Variants in CSMD1 observed in about 807,000 individuals in gnomAD.
The protein encoded by CSMD1 is CUB and sushi domain-containing protein 1.
CSMD1 carries 213 observed loss-of-function variants against 417.5 expected under a neutral mutation model. That is an observed-to-expected ratio of 0.51 (90% CI 0.46 to 0.57). The LOEUF (loss-of-function observed/expected upper bound fraction) is 0.57, where lower values mean the gene tolerates loss of function less well. Among genes scored for constraint, CSMD1 ranks in the 20% least tolerant of loss-of-function variants. The probability of loss-of-function intolerance (pLI) is 0.00; values close to 1 mark genes in which losing one functional copy is unlikely to be tolerated. For missense variants in CSMD1, 6,923 were observed against 4,529.7 expected (o/e 1.53, Z -15.17); for synonymous variants, 2,862 against 1,736.8 (o/e 1.65, Z -16.11).
chr8:4,258,773 G>A (rs1412474222), intron 3 of CSMD1, among the ~76,000 whole-genome samples: 2 of 152,056 alleles, frequency 1.3e-5, no homozygotes, highest in Non-Finnish European at 2.9e-5. Flanking sequence ...CATTTAGAAT[G>A]TGTAACCAGC....
chr8:4,706,132 T>C (rs187449084), intron 1 of CSMD1, among the ~76,000 whole-genome samples: 131 of 150,404 alleles, frequency 8.7e-4, no homozygotes, highest in Non-Finnish European at 1.7e-3. Context: ...ATATATTACA[T>C]ATTTTATATT....
chr8:4,095,841 T>C (rs986360279), intron 3 of CSMD1, among the ~76,000 whole-genome samples: 1 of 152,228 alleles, frequency 6.6e-6, no homozygotes. Context: ...TGGAATGTAT[T>C]TAAAACTTTT....
Position 3,753,826 on chromosome 8 carries a change from C to G in CSMD1, c.931+104G>C, listed in dbSNP as rs1412753055. The G allele has an allele frequency of 5.7e-6, 4 of 698,764 alleles. No homozygotes were observed. In the African/African-American group the frequency reaches 7.3e-5, roughly 13 times the overall value. 43.3% of individuals were successfully genotyped at this position (698,764 alleles called of 1,614,324 possible). On this transcript the variant is annotated intron_variant, in intron 6 of 69. Coordinates refer to ENST00000635120, the MANE Select transcript of CSMD1 (RefSeq NM_033225.6). ...AACTGTGAATAAAAGAATTAGAAAC[C>G]ATTTTCAAGCTATTTATCCAACTCC...
At chr8:4,222,533 CATAAAAA>C (rs1400460331) in intron 3 of CSMD1, among the ~76,000 whole-genome samples, 1 of 152,006 alleles carries the variant, frequency 6.6e-6, no homozygotes, top group Non-Finnish European at 1.5e-5. Context: ...ATCAAGAAAA[CATAAAAA>C]CCACAGAAGT....
Position 3,616,709 on chromosome 8 carries a change from C to T in CSMD1, c.1097+1G>A. On this transcript the variant is annotated splice_donor_variant, in intron 8 of 69. Transcript: ENST00000635120. LOFTEE classifies it high-confidence loss of function. Reference sequence around the variant, plus strand: ...TTTTCCACCACTATTGTATCTCTTACCTGAAGTCGGAACCTGCTCTTCTAC... The same window carrying T: ...TTTTCCACCACTATTGTATCTCTTATCTGAAGTCGGAACCTGCTCTTCTAC... The T allele has an allele frequency of 6.3e-7, 1 of 1,598,952 alleles. No homozygotes were observed. The highest frequency in any genetic ancestry group is 8.6e-7 in the Non-Finnish European group (1 of 1,166,948).
At chr8:4,541,672 T>C (rs1197079283) in intron 2 of CSMD1, among the ~76,000 whole-genome samples, 2 of 152,048 alleles carry the variant, frequency 1.3e-5, no homozygotes, top group Non-Finnish European at 2.9e-5. Context: ...GAGGCTGAGG[T>C]TGCAGTAAGC....
chr8:3,758,254 A>G (rs1194056205), intron 5 of CSMD1, among the ~76,000 whole-genome samples: 1 of 152,212 alleles, frequency 6.6e-6, no homozygotes, highest in Non-Finnish European at 1.5e-5. Context: ...GTGAGCCATC[A>G]CACTCAGCCT....
intron 5 of CSMD1, among the ~76,000 whole-genome samples, chr8:3,913,077 G>A (rs539544089): frequency 3.9e-5 from 6 of 152,246 alleles, no homozygotes; most frequent in Non-Finnish European, 7.4e-5. Context: ...ACTAGGAAAG[G>A]AGCTTTTGGA....
At chr8:4,502,052 C>T (rs1303590745) in intron 2 of CSMD1, among the ~76,000 whole-genome samples, 2 of 152,090 alleles carry the variant, frequency 1.3e-5, no homozygotes, top group Non-Finnish European at 2.9e-5. Context: ...ATTATGTCCA[C>T]AAACAAGTTA....
chr8:4,984,250 G>A (rs1009114362), intron 1 of CSMD1, among the ~76,000 whole-genome samples: 2 of 152,166 alleles, frequency 1.3e-5, no homozygotes. Context: ...AATGTCTAAT[G>A]TTCTAGCTTC....
At chr8:4,082,614 T>G (rs573192720) in intron 3 of CSMD1, among the ~76,000 whole-genome samples, 7 of 152,226 alleles carry the variant, frequency 4.6e-5, no homozygotes, top group East Asian at 1.9e-4. Flanking sequence ...TCGTTTTATT[T>G]TATTTTATTA....
chr8:4,396,764 G>C (rs568839163), intron 3 of CSMD1, among the ~76,000 whole-genome samples: 1 of 152,040 alleles, frequency 6.6e-6, no homozygotes, highest in Non-Finnish European at 1.5e-5. Flanking sequence ...TACTCTAAGT[G>C]AAGTACCTCA....
chr8:4,287,378 G>A (rs890709436), intron 3 of CSMD1, among the ~76,000 whole-genome samples: 2 of 152,174 alleles, frequency 1.3e-5, no homozygotes, highest in African/African-American at 2.4e-5. Context: ...GAGGAACAAT[G>A]TAATGGAACA....
At chr8:4,812,401 A>G (rs1798958641) in intron 1 of CSMD1, among the ~76,000 whole-genome samples, 1 of 152,188 alleles carries the variant, frequency 6.6e-6, no homozygotes, top group Non-Finnish European at 1.5e-5. Context: ...GCTCTATAGC[A>G]CAGAGTAGTG....
intron 23 of CSMD1, among the ~76,000 whole-genome samples, chr8:3,319,928 A>G (rs1196409555): frequency 6.6e-6 from 1 of 152,126 alleles, no homozygotes; most frequent in African/African-American, 2.4e-5. Context: ...TTTAATGGAG[A>G]AATAGCAGCT....
At chr8:4,460,475 G>C (rs994060272) in intron 2 of CSMD1, among the ~76,000 whole-genome samples, 3 of 152,198 alleles carry the variant, frequency 2.0e-5, no homozygotes, top group South Asian at 2.1e-4. Context: ...AAATATTCTA[G>C]TGAGAATAAT....
At chr8:4,958,259 C>A (rs1333892580) in intron 1 of CSMD1, among the ~76,000 whole-genome samples, 1 of 152,082 alleles carries the variant, frequency 6.6e-6, no homozygotes, top group Non-Finnish European at 1.5e-5. Flanking sequence ...ATTAGAAAAA[C>A]AGGTTCAATG....
chr8:3,128,336 G>A (rs140825953), intron 41 of CSMD1: 1 of 152,852 alleles, frequency 6.5e-6, no homozygotes, highest in African/African-American at 2.4e-5. Context: ...GAAATAGAGT[G>A]CATGGCTTGA....
At chr8:4,426,574 T>C (rs906863225) in intron 2 of CSMD1, among the ~76,000 whole-genome samples, 2 of 147,126 alleles carry the variant, frequency 1.4e-5, no homozygotes, top group African/African-American at 4.9e-5. Context: ...ATAGTATATA[T>C]ACACAGTATG....
Sources: gnomAD v4.1 joint callset for allele counts (sites outside exome capture counted in the v4.1 genomes callset) on GRCh38, gnomAD v4.1.1 for gene constraint, MANE v1.5 for transcripts, NCBI Gene and HGNC (gene_info 2026-07-23, HGNC 2026-07-21) for gene names.